Variants in SNX29 observed in about 807,000 individuals in gnomAD.
SNX29 encodes the protein sorting nexin-29.
SNX29 carries 78 observed loss-of-function variants against 102.1 expected under a neutral mutation model. That is an observed-to-expected ratio of 0.76 (90% confidence interval 0.64 to 0.92). The LOEUF is 0.92. SNX29 is among the 40% of genes least tolerant of loss of function. The pLI, the probability that SNX29 is intolerant of heterozygous loss-of-function variation, is 0.00. For missense variants in SNX29, 1,280 were observed against 1,061.7 expected, an observed-to-expected ratio of 1.21 and a Z score of -2.86; for synonymous variants, 580 against 414.5, an observed-to-expected ratio of 1.40 and a Z score of -4.85.
At chr16:12,317,573 T>A (rs1452016119) in intron 15 of SNX29, among the ~76,000 whole-genome samples, 1 of 152,184 alleles carries the variant, frequency 6.6e-6, no homozygotes, top group African/African-American at 2.4e-5. Context: ...ATAACATGGC[T>A]TAGATTTCTG....
chr16:12,086,314 C>T (rs778593681), intron 11 of SNX29, among the ~76,000 whole-genome samples: 10 of 152,122 alleles, frequency 6.6e-5, no homozygotes, highest in Non-Finnish European at 1.5e-4. Context: ...ACGCTCTTGC[C>T]AATTCTACAT....
intron 15 of SNX29, among the ~76,000 whole-genome samples, chr16:12,302,425 A>C (rs2080204643): frequency 1.3e-5 from 2 of 152,246 alleles, no homozygotes; most frequent in African/African-American, 4.8e-5. Context: ...ATAAACTGAG[A>C]AACTTATAAA....
intron 8 of SNX29, among the ~76,000 whole-genome samples, chr16:12,060,648 T>C (rs1048640237): frequency 6.6e-6 from 1 of 152,102 alleles, no homozygotes; most frequent in Non-Finnish European, 1.5e-5. Context: ...TTGCAGGGGT[T>C]TTTTGAAACG....
intron 16 of SNX29, among the ~76,000 whole-genome samples, chr16:12,390,288 C>T (rs534435500): frequency 9.9e-5 from 15 of 152,242 alleles, no homozygotes; most frequent in Non-Finnish European, 2.1e-4. Flanking sequence ...ACCAGCCTCT[C>T]TCTTGCTTAA....
chr16:12,180,130 T>C (rs1162714968), intron 13 of SNX29, among the ~76,000 whole-genome samples: 2 of 152,210 alleles, frequency 1.3e-5, no homozygotes, highest in Non-Finnish European at 2.9e-5. Context: ...TCTTCAGTAT[T>C]TGTCACTTCC....
intron 17 of SNX29, 134 bp downstream of exon 17, chr16:12,398,635 A>G (rs2083811714): frequency 1.0e-6 from 1 of 971,398 alleles, no homozygotes; most frequent in Non-Finnish European, 1.6e-6. Context: ...GTTCTTGTAG[A>G]GCTGGTAGGA....
At chr16:12,524,933 G>C in intron 20 of SNX29, 92 bp downstream of exon 20, 3 of 1,524,402 alleles carry the variant, frequency 2.0e-6, no homozygotes, top group Non-Finnish European at 1.8e-6. Flanking sequence ...GCGGCTCTCC[G>C]TGATGCCCTG....
intron 19 of SNX29, among the ~76,000 whole-genome samples, chr16:12,486,319 C>T (rs1461428593): frequency 6.6e-6 from 1 of 152,182 alleles, no homozygotes; most frequent in Admixed American, 6.5e-5. Context: ...TTAATTTCAC[C>T]TCCTCTGCAG....
At chr16:12,378,248 T>G (rs1196443943) in intron 16 of SNX29, among the ~76,000 whole-genome samples, 1 of 152,168 alleles carries the variant, frequency 6.6e-6, no homozygotes, top group Non-Finnish European at 1.5e-5. Context: ...TTTCCACTCG[T>G]GGCAGCAGAA....
At chr16:12,562,278 C>G (rs11643010) in intron 20 of SNX29, among the ~76,000 whole-genome samples, 16,477 of 152,214 alleles carry the variant, frequency 0.11, 1,074 homozygotes, top group Non-Finnish European at 0.14. Flanking sequence ...ATGGGCCACG[C>G]TCTATCCCAG....
chr16:12,334,147 G>A (rs1431693119), intron 15 of SNX29, among the ~76,000 whole-genome samples: 1 of 152,168 alleles, frequency 6.6e-6, no homozygotes, highest in African/African-American at 2.4e-5. Context: ...GGTCTTTGAG[G>A]TTTTGAGTAA....
chr16:12,058,232 A>G (rs1341774135), intron 8 of SNX29, among the ~76,000 whole-genome samples: 1 of 152,186 alleles, frequency 6.6e-6, no homozygotes, highest in Admixed American at 6.5e-5. Context: ...ACATGTGGGA[A>G]ACTGAGTCTG....
rs140438059 is a variant in SNX29, at chr16:12,233,027, C to G, written c.1678+33344C>G. Reference sequence around the variant, plus strand: ...CCCTCACATGCAAGTCACCACAGTTCTGGATGAGAGATGGAAGAGCAGCTT... The same window carrying G: ...CCCTCACATGCAAGTCACCACAGTTGTGGATGAGAGATGGAAGAGCAGCTT... On this transcript the variant is annotated intron_variant, in intron 14 of 20. Transcript: ENST00000566228. Among the ~76,000 whole-genome samples the G allele has an allele frequency of 7.0e-3, 1,060 of 152,270 alleles. 17 individuals are homozygous for G. Among genetic ancestry groups the G allele is most frequent in the African/African-American group, 0.024 (1,002 of 41,546 alleles).
intron 18 of SNX29, among the ~76,000 whole-genome samples, chr16:12,472,911 C>A (rs932326136): frequency 1.3e-5 from 2 of 152,136 alleles, no homozygotes; most frequent in Admixed American, 1.3e-4. Flanking sequence ...ATATTACCCT[C>A]CTATTTAATC....
chr16:12,139,506 T>A (rs756297274), intron 13 of SNX29, among the ~76,000 whole-genome samples: 4 of 152,210 alleles, frequency 2.6e-5, no homozygotes, highest in Non-Finnish European at 5.9e-5. Flanking sequence ...GGTATGAGTG[T>A]CACTGAGAAA....
At chr16:12,166,634 T>C (rs549394960) in intron 13 of SNX29, among the ~76,000 whole-genome samples, 1 of 152,262 alleles carries the variant, frequency 6.6e-6, no homozygotes, top group South Asian at 2.1e-4. Context: ...AAGAAGGATA[T>C]GAATTGTTAT....
chr16:12,189,648 T>G (rs1159770762), intron 13 of SNX29, among the ~76,000 whole-genome samples: 1 of 152,158 alleles, frequency 6.6e-6, no homozygotes, highest in East Asian at 1.9e-4. Context: ...ATACATATTT[T>G]GTAGGGAGGT....
intron 16 of SNX29, among the ~76,000 whole-genome samples, chr16:12,380,834 CCCACCCACCCACCATCTATCCAT>C (rs1362578586): frequency 7.6e-5 from 6 of 78,696 alleles, no homozygotes; most frequent in East Asian, 1.3e-3. Flanking sequence ...CATCCACCCA[CCCACCCACCCACCATCTATCCAT>C]CCACCCACCA....
intron 14 of SNX29, among the ~76,000 whole-genome samples, chr16:12,270,889 A>G (rs1596703280): frequency 1.3e-5 from 2 of 152,202 alleles, no homozygotes; most frequent in East Asian, 3.9e-4. Context: ...TAAAAATACA[A>G]AAAATTAGCT....
Sources: allele counts gnomAD v4.1 joint callset (sites outside exome capture counted in the v4.1 genomes callset), GRCh38; gene constraint gnomAD v4.1.1; transcripts MANE v1.5; gene names NCBI Gene and HGNC (gene_info 2026-07-23, HGNC 2026-07-21).